The following CHKA variants were observed in gnomAD, a reference collection of about 807,000 sequenced individuals.
CHKA encodes the protein choline kinase alpha, also known as CHETK-alpha.
Under a neutral mutation model 60.1 loss-of-function variants are expected in CHKA, and 34 were observed. The ratio of observed to expected loss-of-function variants is 0.57; its 90% CI spans 0.43 to 0.75. CHKA has a LOEUF of 0.75. Ranked by LOEUF, CHKA falls within the 30% of genes least tolerant of loss-of-function variation. The pLI, the probability that CHKA is intolerant of heterozygous loss-of-function variation, is 0.00. For synonymous variants in CHKA, 217 were observed against 223.1 expected, an observed-to-expected ratio of 0.97 and a Z score of 0.24; for missense variants, 563 against 561.3, an observed-to-expected ratio of 1.00 and a Z score of -0.03.
intron 1 of CHKA, among the ~76,000 whole-genome samples, chr11:68,111,171 G>A (rs1858119983): frequency 6.6e-6 from 1 of 151,940 alleles, no homozygotes; most frequent in African/African-American, 2.4e-5. Context: ...CAGCACTTTG[G>A]GAGGCCGAGC....
chr11:68,082,999 T>C (rs1857035500), intron 2 of CHKA, among the ~76,000 whole-genome samples: 1 of 152,222 alleles, frequency 6.6e-6, no homozygotes, highest in African/African-American at 2.4e-5. Context: ...AAAGCTTCCC[T>C]TCACCCTAAT....
In CHKA at chr11:68,121,203, G is replaced by T; in HGVS notation, c.-26C>A. 1 of 1,153,562 alleles carries T rather than the reference G, an allele frequency of 8.7e-7. No individual in the cohort carries two copies. Among genetic ancestry groups the T allele is most frequent in the Non-Finnish European group, 1.1e-6 (1 of 936,950 alleles). The allele number at this position is 1,153,562 out of a possible 1,614,324, so 71.5% of individuals were successfully genotyped here. Reference sequence around the variant, plus strand: ...GCCCGACAGGCGGCCGAGGAGGCGCGGGCGGCCGCAGCGCGAGAGGACTAG... The same window carrying T: ...GCCCGACAGGCGGCCGAGGAGGCGCTGGCGGCCGCAGCGCGAGAGGACTAG... On this transcript the variant is annotated 5_prime_UTR_variant, in exon 1 of 12. Transcript: ENST00000265689.
intron 1 of CHKA, among the ~76,000 whole-genome samples, chr11:68,100,822 T>C (rs997484901): frequency 2.0e-5 from 3 of 151,120 alleles, no homozygotes; most frequent in Non-Finnish European, 4.4e-5. Flanking sequence ...AAGTACCTGC[T>C]GGCAGGAATT....
chr11:68,091,279 T>C (rs961905920), intron 2 of CHKA, among the ~76,000 whole-genome samples: 1 of 152,224 alleles, frequency 6.6e-6, no homozygotes, highest in African/African-American at 2.4e-5. Flanking sequence ...TCATAATCTA[T>C]GTAGCTAATG....
At chr11:68,064,342 AGG>A (rs1856364363) in intron 10 of CHKA, among the ~76,000 whole-genome samples, 181 bp downstream of exon 10, 1 of 151,872 alleles carries the variant, frequency 6.6e-6, no homozygotes, top group African/African-American at 2.4e-5. Flanking sequence ...CGGGAGGCGG[AGG>A]TTGCAGTGAG....
chr11:68,073,365 T>C (rs907975575), intron 4 of CHKA, among the ~76,000 whole-genome samples: 6 of 152,158 alleles, frequency 3.9e-5, no homozygotes, highest in African/African-American at 1.2e-4. Flanking sequence ...CAAAAACTTA[T>C]CATCTCGGCC....
intron 3 of CHKA, among the ~76,000 whole-genome samples, chr11:68,080,927 G>A (rs1046285878): frequency 9.8e-5 from 15 of 152,346 alleles, no homozygotes; most frequent in Admixed American, 6.5e-4. Context: ...CTAAGTCTAG[G>A]AAGAAGCTTT....
At chr11:68,105,961 G>A (rs555237972) in intron 1 of CHKA, among the ~76,000 whole-genome samples, 30 of 152,136 alleles carry the variant, frequency 2.0e-4, no homozygotes, top group Admixed American at 3.9e-4. Context: ...AAAAAATCAC[G>A]ACATAACCAG....
At chr11:68,054,452 A>G (rs986710855) in intron 11 of CHKA, among the ~76,000 whole-genome samples, 1 of 152,186 alleles carries the variant, frequency 6.6e-6, no homozygotes, top group Non-Finnish European at 1.5e-5. Flanking sequence ...CTAGAACAGA[A>G]GGGGAGAAGA....
At position 68,070,765 on chromosome 11, in the gene CHKA, T is replaced by TGGCATTTTCATACCATGAAATGTA; in HGVS notation, c.699_722dup (p.Thr234_Pro241dup). On this transcript the variant is annotated inframe_insertion, in exon 5 of 12. Coordinates refer to ENST00000265689, the MANE Select transcript of CHKA (RefSeq NM_001277.3). ...AAAGCCATTTTGGTTCCTTATTGAA[T>TGGCATTTTCATACCATGAAATGTA]GGCATTTTCATACCATGAAATGTAG... 4.3e-6 allele frequency: 7 copies of TGGCATTTTCATACCATGAAATGTA among 1,613,240 alleles called. No individual in the cohort carries two copies. Among genetic ancestry groups the TGGCATTTTCATACCATGAAATGTA allele is most frequent in the Non-Finnish European group, 5.9e-6 (7 of 1,179,232 alleles).
At chr11:68,109,867 G>C (rs1166516803) in intron 1 of CHKA, among the ~76,000 whole-genome samples, 1 of 152,128 alleles carries the variant, frequency 6.6e-6, no homozygotes, top group South Asian at 2.1e-4. Context: ...CATGAGAATT[G>C]CTTGAATCCA....
chr11:68,071,533 A>G lies in CHKA; in HGVS notation c.631-676T>C, dbSNP rs919658383. Reference sequence around the variant, plus strand: ...TTACAGGAGGCCCATGGGAGCTCACAATCAACTGAGACCTCCAGAGCTTCC... The same window carrying G: ...TTACAGGAGGCCCATGGGAGCTCACGATCAACTGAGACCTCCAGAGCTTCC... On this transcript the variant is annotated intron_variant, in intron 4 of 11. Transcript: ENST00000265689. Among the ~76,000 whole-genome samples the G allele has an allele frequency of 1.6e-4, 24 of 152,362 alleles. 1 individual carries two copies. The highest frequency in any genetic ancestry group is 1.4e-3 in the Admixed American group (21 of 15,308).
intron 3 of CHKA, among the ~76,000 whole-genome samples, chr11:68,077,840 C>G (rs1359119260): frequency 6.6e-6 from 1 of 152,104 alleles, no homozygotes; most frequent in Non-Finnish European, 1.5e-5. Flanking sequence ...GTGTGAAAAG[C>G]CACAGCAGCC....
At chr11:68,119,546 T>G (rs1858523433) in intron 1 of CHKA, among the ~76,000 whole-genome samples, 1 of 152,202 alleles carries the variant, frequency 6.6e-6, no homozygotes, top group Non-Finnish European at 1.5e-5. Context: ...CTCGGCTCAC[T>G]GCAACCGCCG....
chr11:68,108,453 G>A lies in CHKA; in HGVS notation c.351-11323C>T, dbSNP rs374795216. Among the ~76,000 whole-genome samples the A allele has an allele frequency of 3.9e-5, 6 of 152,172 alleles. No homozygotes were observed. The East Asian group carries it at 9.6e-4, about 24-fold the overall frequency. ...ATCAACTGAAAAATCAACTCTTAAA[G>A]AAATAAGGTGGCTGGGCGCAGAGGC... On this transcript the variant is annotated intron_variant, in intron 1 of 11. Transcript: ENST00000265689.
rs562086486 is a variant in CHKA at position 68,103,995 on chromosome 11, A to G, written c.351-6865T>C. Among the ~76,000 whole-genome samples, 27 of 150,498 alleles carry G rather than the reference A, an allele frequency of 1.8e-4. No homozygotes were observed. In the South Asian group the frequency reaches 3.0e-3, roughly 16 times the overall value. ...ATCCCATTACTGGTAATACATCCAGAGGAAATGAAATCAGTACATCAGACA... is the reference window on the plus strand; with the variant it reads ...ATCCCATTACTGGTAATACATCCAGGGGAAATGAAATCAGTACATCAGACA... On this transcript the variant is annotated intron_variant, in intron 1 of 11. Coordinates refer to ENST00000265689, the MANE Select transcript of CHKA (RefSeq NM_001277.3).
At chr11:68,120,584 A>T (rs1001768539) in intron 1 of CHKA, among the ~76,000 whole-genome samples, 1 of 152,160 alleles carries the variant, frequency 6.6e-6, no homozygotes, top group Non-Finnish European at 1.5e-5. Context: ...CATGAAACCG[A>T]CGTTTTTACA....
intron 2 of CHKA, among the ~76,000 whole-genome samples, chr11:68,082,726 A>G (rs1472451945): frequency 6.6e-6 from 1 of 152,238 alleles, no homozygotes; most frequent in Non-Finnish European, 1.5e-5. Flanking sequence ...CCATGTTCAT[A>G]AATCTATTTG....
intron 1 of CHKA, among the ~76,000 whole-genome samples, chr11:68,113,251 G>A (rs1236511074): frequency 6.6e-6 from 1 of 151,662 alleles, no homozygotes; most frequent in Non-Finnish European, 1.5e-5. Flanking sequence ...CTACACTCAA[G>A]CCTGAGCAAT....
Sources: allele counts gnomAD v4.1 joint callset (sites outside exome capture counted in the v4.1 genomes callset), GRCh38; gene constraint gnomAD v4.1.1; transcripts MANE v1.5; gene names NCBI Gene and HGNC (gene_info 2026-07-23, HGNC 2026-07-21).